The following GPC5 variants were observed in gnomAD, a reference collection of about 807,000 sequenced individuals.
The protein encoded by GPC5 is glypican-5.
In GPC5, 47 loss-of-function variants were observed where a neutral mutation model predicts 53.9. That is an observed-to-expected ratio of 0.87 (90% CI 0.69 to 1.11). The LOEUF (loss-of-function observed/expected upper bound fraction) is 1.11. Ranked by LOEUF, GPC5 falls within the 50% of genes most tolerant of loss-of-function variation. GPC5 has a pLI of 0.00. For missense variants in GPC5, 748 were observed against 713.1 expected, an observed-to-expected ratio of 1.05 and a Z score of -0.56; for synonymous variants, 286 against 263.3, an observed-to-expected ratio of 1.09 and a Z score of -0.84.
intron 5 of GPC5, among the ~76,000 whole-genome samples, chr13:91,809,473 T>C (rs2038276063): frequency 6.6e-6 from 1 of 152,172 alleles, no homozygotes; most frequent in South Asian, 2.1e-4. Context: ...GTAAATCCTC[T>C]GGCTGACGTT....
rs2138727967 is a variant in GPC5, at chr13:91,398,994, C to A, written c.-53C>A. 3 of 1,520,514 alleles carry A rather than the reference C, an allele frequency of 2.0e-6. No homozygotes were observed. Among genetic ancestry groups the A allele is most frequent in the East Asian group, 2.5e-5 (1 of 40,212 alleles). 94.2% of individuals were successfully genotyped at this position (1,520,514 alleles called of 1,614,324 possible). A position where few individuals can be genotyped will look rare whatever the true frequency, so the allele number is the denominator to read the frequency against. ...TTCCACGTCTGCAGCTCAGCCAGGG[C>A]GCGCAGGGCGAGTGGGGTCCACTGG... is the stretch of plus-strand genomic sequence containing the variant. On this transcript the variant is annotated 5_prime_UTR_variant, in exon 1 of 8. Coordinates refer to ENST00000377067, the MANE Select transcript of GPC5 (RefSeq NM_004466.6).
chr13:92,805,377 C>G (rs1877055857), intron 7 of GPC5, among the ~76,000 whole-genome samples: 2 of 152,020 alleles, frequency 1.3e-5, no homozygotes. Context: ...CCTTGTACAT[C>G]TTCTTCAGAG....
intron 6 of GPC5, among the ~76,000 whole-genome samples, chr13:91,926,163 C>G (rs182736759): frequency 6.6e-6 from 1 of 151,920 alleles, no homozygotes; most frequent in Non-Finnish European, 1.5e-5. Flanking sequence ...AGATCAAGAC[C>G]ATCTTAACTA....
At chr13:91,907,503 T>TTTATA (rs1555296011) in intron 5 of GPC5, among the ~76,000 whole-genome samples, 56 of 129,534 alleles carry the variant, frequency 4.3e-4, no homozygotes, top group Admixed American at 4.1e-4. Context: ...CTCTCTCTCT[T>TTTATA]TATATATATA....
At chr13:92,542,928 G>A (rs1225249481) in intron 7 of GPC5, among the ~76,000 whole-genome samples, 3 of 151,790 alleles carry the variant, frequency 2.0e-5, no homozygotes, top group Non-Finnish European at 4.4e-5. Context: ...TTTTGTCTTG[G>A]AAGTTTGACT....
chr13:92,815,026 A>T (rs1877419557), intron 7 of GPC5, among the ~76,000 whole-genome samples: 1 of 152,026 alleles, frequency 6.6e-6, no homozygotes, highest in African/African-American at 2.4e-5. Flanking sequence ...TACATTCAAC[A>T]TATATTTATT....
chr13:92,740,613 A>T (rs1390461898), intron 7 of GPC5, among the ~76,000 whole-genome samples: 1 of 152,070 alleles, frequency 6.6e-6, no homozygotes, highest in Non-Finnish European at 1.5e-5. Flanking sequence ...TCTTTGTAAT[A>T]GTGCTAAAAT....
intron 6 of GPC5, among the ~76,000 whole-genome samples, chr13:91,933,588 C>G: frequency 6.6e-6 from 1 of 151,856 alleles, no homozygotes; most frequent in East Asian, 1.9e-4. Context: ...TAAAAGGTAC[C>G]GAAACATATA....
At chr13:92,020,491 T>A (rs942715213) in intron 6 of GPC5, among the ~76,000 whole-genome samples, 2 of 152,104 alleles carry the variant, frequency 1.3e-5, no homozygotes, top group Non-Finnish European at 2.9e-5. Flanking sequence ...TGTCTATTTT[T>A]TTTTCATCAT....
chr13:92,579,288 TCTCTCTCTCTCTCCCTCC>T (rs1883295904), intron 7 of GPC5, among the ~76,000 whole-genome samples: 1 of 62,586 alleles, frequency 1.6e-5, no homozygotes, highest in African/African-American at 8.8e-5. Flanking sequence ...TCTCTCTCTC[TCTCTCTCTCTCTCCCTCC>T]CTCCCTCCCT....
chr13:91,448,659 C>T, intron 1 of GPC5, 102 bp from the exon 2 acceptor site: 1 of 1,162,238 alleles, frequency 8.6e-7, no homozygotes, highest in Admixed American at 2.5e-5. Context: ...CCATTCCTCA[C>T]ATAGTCCTTT....
intron 7 of GPC5, among the ~76,000 whole-genome samples, chr13:92,563,779 G>T (rs1488905520): frequency 1.3e-5 from 2 of 151,968 alleles, no homozygotes; most frequent in African/African-American, 4.8e-5. Context: ...GGATAGATAA[G>T]TTTTTCTCTG....
rs182104552 is a variant in GPC5 at position 91,781,734 on chromosome 13, T to C, written c.1280+25314T>C. Among the ~76,000 whole-genome samples the C allele has an allele frequency of 1.3e-3, 193 of 152,350 alleles. 4 individuals carry two copies. Among genetic ancestry groups the C allele is most frequent in the Admixed American group, 0.012 (181 of 15,306 alleles). On this transcript the variant is annotated intron_variant, in intron 5 of 7. Transcript: ENST00000377067. ...AGTCGAATCCACCCGAGTGCATTCT[T>C]AAGTTTAAAGCATGTAGGTTAAAAT... is the stretch of plus-strand genomic sequence containing the variant.
intron 6 of GPC5, among the ~76,000 whole-genome samples, chr13:91,987,829 T>C (rs1594708047): frequency 6.9e-6 from 1 of 145,586 alleles, no homozygotes; most frequent in East Asian, 2.0e-4. Flanking sequence ...ATTTATATTA[T>C]ATATAAATAT....
chr13:92,558,684 A>G (rs561197197), intron 7 of GPC5, among the ~76,000 whole-genome samples: 1 of 151,992 alleles, frequency 6.6e-6, no homozygotes, highest in South Asian at 2.1e-4. Context: ...TACACTTCCT[A>G]AGATCATAGA....
chr13:92,200,634 T>C (rs2042287668), intron 7 of GPC5, among the ~76,000 whole-genome samples: 1 of 152,254 alleles, frequency 6.6e-6, no homozygotes, highest in South Asian at 2.1e-4. Context: ...TATCAGTGCT[T>C]ATATCCTCAT....
In GPC5 at chr13:92,734,247, A is replaced by T. The variant is rs184401840; in HGVS notation, c.1562-132035A>T. Among the ~76,000 whole-genome samples the T allele has an allele frequency of 1.1e-4, 17 of 151,914 alleles. No homozygotes were observed. The East Asian group carries it at 3.3e-3, about 30-fold the overall frequency. ...TGACTCTTAACATTTTCAGACTCTT[A>T]GACTCATTGACTCTCATCTCATTCC... On this transcript the variant is annotated intron_variant, in intron 7 of 7. Transcript: ENST00000377067.
At chr13:92,413,965 A>AT (rs1876166571) in intron 7 of GPC5, among the ~76,000 whole-genome samples, 1 of 152,126 alleles carries the variant, frequency 6.6e-6, no homozygotes, top group Non-Finnish European at 1.5e-5. Flanking sequence ...TCATGGTCCC[A>AT]TTTTTCTAAT....
intron 7 of GPC5, among the ~76,000 whole-genome samples, chr13:92,349,929 A>G (rs2043461529): frequency 6.6e-6 from 1 of 152,178 alleles, no homozygotes; most frequent in African/African-American, 2.4e-5. Context: ...AGGACATTAC[A>G]AGAAAATAAA....
Sources: allele counts gnomAD v4.1 joint callset (sites outside exome capture counted in the v4.1 genomes callset), GRCh38; gene constraint gnomAD v4.1.1; transcripts MANE v1.5; gene names NCBI Gene and HGNC (gene_info 2026-07-23, HGNC 2026-07-21).